The following DHH variants were observed in gnomAD, a reference collection of about 807,000 sequenced individuals.
The protein encoded by DHH is desert hedgehog signaling molecule.
A neutral mutation model predicts 27.6 loss-of-function variants in DHH; 16 were observed. That is an observed-to-expected ratio of 0.58 (90% CI 0.39 to 0.88). The LOEUF (loss-of-function observed/expected upper bound fraction) is 0.88, where lower values mean the gene tolerates loss of function less well. DHH is among the 40% of genes least tolerant of loss of function. DHH has a pLI of 0.00. For synonymous variants in DHH, 289 were observed against 263.4 expected, an observed-to-expected ratio of 1.10 and a Z score of -0.94; for missense variants, 436 against 563.1, an observed-to-expected ratio of 0.77 and a Z score of 2.28.
chr12:49,090,999 C>T lies in DHH; in HGVS notation c.565+129G>A. 1.4e-6 allele frequency: 2 copies of T among 1,425,342 alleles called. No individual in the cohort carries two copies. The highest frequency in any genetic ancestry group is 4.6e-5 in the East Asian group (2 of 43,934). The allele number at this position is 1,425,342 out of a possible 1,614,324, so 88.3% of individuals were successfully genotyped here. ...TTAGAGGCGTGAGGCACCGCCTCGGCCTGGACGGGTGGTTTTCAACACTAA... is the reference window on the plus strand; with the variant it reads ...TTAGAGGCGTGAGGCACCGCCTCGGTCTGGACGGGTGGTTTTCAACACTAA... On this transcript the variant is annotated intron_variant, in intron 2 of 2. Transcript: ENST00000649637. This position sits in a 1 kb window ranked among gnomAD's most constrained non-coding sequence, Gnocchi z 5.2.
chr12:49,088,224 G>C lies in DHH; in HGVS notation c.*1635C>G, dbSNP rs1346505037. Among the ~76,000 whole-genome samples the C allele has an allele frequency of 6.6e-6, 1 of 152,110 alleles. No homozygotes were observed. The highest frequency in any genetic ancestry group is 1.5e-5 in the Non-Finnish European group (1 of 68,002). On this transcript the variant is annotated 3_prime_UTR_variant, in exon 3 of 3. Coordinates refer to ENST00000649637, the MANE Select transcript of DHH (RefSeq NM_021044.4). The stretch of plus-strand genomic sequence containing the variant: ...ATGTAAAAGTGCCATGGTTTGGAAC[G>C]ACTTGCCCAAGGAGAAGCAGGTGGA...
rs1939244596 is a variant in DHH, at chr12:49,088,592, AGAGCTTCC to A, written c.*1259_*1266del. ...CTTCTGGAGCAGCCCAGCTTCCTCC[AGAGCTTCC>A]ATTCCTAACTCAGGGGCACCTGCCT... On this transcript the variant is annotated 3_prime_UTR_variant, in exon 3 of 3. Coordinates refer to ENST00000649637, the MANE Select transcript of DHH (RefSeq NM_021044.4). 6.6e-6 allele frequency among the ~76,000 whole-genome samples: 1 copy of A among 152,150 alleles called. No individual in the cohort carries two copies. The highest frequency in any genetic ancestry group is 2.4e-5 in the African/African-American group (1 of 41,430).
In DHH at chr12:49,088,318, C is replaced by A. The variant is rs1164199256; in HGVS notation, c.*1541G>T. Among the ~76,000 whole-genome samples, 4 of 152,196 alleles carry A rather than the reference C, an allele frequency of 2.6e-5. No individual in the cohort carries two copies. On this transcript the variant is annotated 3_prime_UTR_variant, in exon 3 of 3. Transcript: ENST00000649637. ...TAACAAGGCCCACCCATCATCTCTC[C>A]CTCCTGGGAGCGGGCTCCTTTGCGC...
chr12:49,090,103 A>C lies in DHH; in HGVS notation c.947T>G (p.Val316Gly). The C allele has an allele frequency of 1.3e-6, 2 of 1,523,968 alleles. No individual in the cohort carries two copies. The highest frequency in any genetic ancestry group is 1.8e-6 in the Non-Finnish European group (2 of 1,135,970). 94.4% of individuals were successfully genotyped at this position (1,523,968 alleles called of 1,614,324 possible). ...DALRPARVAR[V>G]AREEAVGVFA... ...CACGCCCACGGCTTCCTCCCGCGCC[A>C]CACGGGCCACGCGCGCTGGCCGAAG... The change falls in exon 3 of 3, where the codon GTG becomes GGG. Residue 316 changes from valine (V) to glycine (G), a missense_variant. Physicochemically the swap from Val to Gly is moderately radical, Grantham distance 109. Transcript: ENST00000649637. This position sits in a 1 kb window ranked among gnomAD's most constrained non-coding sequence, Gnocchi z 5.2.
rs148993959 is a variant in DHH, at chr12:49,087,873, A to G, written c.*1986T>C. ...GATAAAAAGAGACAAGGGCAGGTTT[A>G]GAAAGTAGGAAAGGTCCACAGCTTG... On this transcript the variant is annotated 3_prime_UTR_variant, in exon 3 of 3. Coordinates refer to ENST00000649637, the MANE Select transcript of DHH (RefSeq NM_021044.4). Among the ~76,000 whole-genome samples, 1 of 152,348 alleles carries G rather than the reference A, an allele frequency of 6.6e-6. No individual in the cohort carries two copies. Among genetic ancestry groups the G allele is most frequent in the African/African-American group, 2.4e-5 (1 of 41,580 alleles).
rs769909291 is a variant in DHH at position 49,090,141 on chromosome 12, G to A, written c.909C>T (p.Pro303=). ...GCGCTGGCCGAAGCGCATCCCCGCC[G>A]GGCGCCAGCACCGAGTCCCCAGCGC... The part of the protein sequence containing the change: ...RLRAGDSVLA[P]GGDALRPARV... The change falls in exon 3 of 3, where the codon CCC becomes CCT. Residue 303 remains proline (P), a synonymous_variant. Coordinates refer to ENST00000649637, the MANE Select transcript of DHH (RefSeq NM_021044.4). The surrounding 1 kb of genome is among the most constrained non-coding windows in gnomAD (Gnocchi z 5.2). The A allele has an allele frequency of 2.5e-5, 38 of 1,511,488 alleles. No individual in the cohort carries two copies. Among genetic ancestry groups the A allele is most frequent in the Admixed American group, 1.5e-4 (7 of 45,170 alleles). 93.6% of individuals were successfully genotyped at this position (1,511,488 alleles called of 1,614,324 possible).
Position 49,090,532 on chromosome 12 carries a change from A to C in DHH, c.566-48T>G. 1 of 1,588,158 alleles carries C rather than the reference A, an allele frequency of 6.3e-7. No individual in the cohort carries two copies. The highest frequency in any genetic ancestry group is 8.5e-7 in the Non-Finnish European group (1 of 1,176,054). ...GGATTGAATCAAGACCAGCGGTTCC[A>C]GAACGATTCTCAAGGCCAGCGCAGA... On this transcript the variant is annotated intron_variant, in intron 2 of 2. Coordinates refer to ENST00000649637, the MANE Select transcript of DHH (RefSeq NM_021044.4). The surrounding 1 kb of genome is among the most constrained non-coding windows in gnomAD (Gnocchi z 5.2).
At position 49,094,637 on chromosome 12, in the gene DHH, C is replaced by T. The variant is rs1015207867; in HGVS notation, c.-125G>A. The T allele has an allele frequency of 1.1e-5, 13 of 1,171,514 alleles. No homozygotes were observed. In the African/African-American group the frequency reaches 2.0e-4, roughly 18 times the overall value. 72.6% of individuals were successfully genotyped at this position (1,171,514 alleles called of 1,614,324 possible). On this transcript the variant is annotated 5_prime_UTR_variant, in exon 1 of 3. Coordinates refer to ENST00000649637, the MANE Select transcript of DHH (RefSeq NM_021044.4). ...GCTGCCCCCAGAGTGCCCTAGAGCT[C>T]TTGTGGCTCCGTGCACCTGGCTGCT...
At chr12:49,093,775 C>T (rs1939344212) in intron 1 of DHH, among the ~76,000 whole-genome samples, 1 of 152,174 alleles carries the variant, frequency 6.6e-6, no homozygotes, top group Non-Finnish European at 1.5e-5. Context: ...TTTTCAGTCT[C>T]TTCTTTTCGG....
Position 49,086,785 on chromosome 12 carries a change from A to T in DHH, c.*3074T>A, listed in dbSNP as rs767371925. ...GGTCACAAAGGTGAGGGACATGAAG[A>T]GTCAACTTCTATATGTAAGGAAGTC... On this transcript the variant is annotated 3_prime_UTR_variant, in exon 3 of 3. Coordinates refer to ENST00000649637, the MANE Select transcript of DHH (RefSeq NM_021044.4). 2.4e-4 allele frequency among the ~76,000 whole-genome samples: 36 copies of T among 152,232 alleles called. No homozygotes were observed. Among genetic ancestry groups the T allele is most frequent in the Admixed American group, 6.5e-4 (10 of 15,288 alleles).
chr12:49,091,260 G>T lies in DHH; in HGVS notation c.433C>A (p.Arg145Ser). The T allele has an allele frequency of 6.2e-7, 1 of 1,614,216 alleles. No individual in the cohort carries two copies. ...HAQDSLHYEG[R>S]ALDITTSDRD... ...TCAGACGTAGTGATGTCCAAAGCAC[G>T]GCCTTCGTAGTGGAGTGAATCCTGA... The change falls in exon 2 of 3, where the codon CGT becomes AGT. Residue 145 changes from arginine to serine, a missense_variant. Physicochemically the swap from Arg to Ser is moderately radical, Grantham distance 110. Coordinates refer to ENST00000649637, the MANE Select transcript of DHH (RefSeq NM_021044.4). The surrounding 1 kb of genome is among the most constrained non-coding windows in gnomAD (Gnocchi z 4.8).
In DHH at chr12:49,088,540, C is replaced by T. The variant is rs1004631293; in HGVS notation, c.*1319G>A. 2.6e-5 allele frequency among the ~76,000 whole-genome samples: 4 copies of T among 152,306 alleles called. No individual in the cohort carries two copies. The highest frequency in any genetic ancestry group is 4.1e-4 in the South Asian group (2 of 4,830). ...CAACCCCCGACTATTTCCTCCTCCC[C>T]GCCTCACCTCCACCCAAGACACTTC... is the stretch of plus-strand genomic sequence containing the variant. On this transcript the variant is annotated 3_prime_UTR_variant, in exon 3 of 3. Coordinates refer to ENST00000649637, the MANE Select transcript of DHH (RefSeq NM_021044.4).
In DHH at chr12:49,090,419, C is replaced by T. The variant is rs759282814; in HGVS notation, c.631G>A (p.Gly211Ser). Residue 211 changes from glycine to serine, a missense_variant, in exon 3 of 3, where the codon GGC (glycine) becomes AGC (serine). By Grantham distance (56) the Gly-to-Ser change is moderately conservative (BLOSUM62 0). Coordinates refer to ENST00000649637, the MANE Select transcript of DHH (RefSeq NM_021044.4). This position sits in a 1 kb window ranked among gnomAD's most constrained non-coding sequence, Gnocchi z 5.2. ...AGTTCCCGCAGCCCTTTCCGCTCGC[C>T]GCTCCACAGGCGCACAGTTGCATTT... Reference protein sequence around the residue: ...PGNATVRLWSGERKGLRELHR... With the variant: ...PGNATVRLWSSERKGLRELHR... The T allele has an allele frequency of 6.2e-7, 1 of 1,609,536 alleles. No homozygotes were observed. The highest frequency in any genetic ancestry group is 2.2e-5 in the East Asian group (1 of 44,828).
Position 49,088,152 on chromosome 12 carries a change from GGCATCT to G in DHH, c.*1701_*1706del, listed in dbSNP as rs1214014974. Among the ~76,000 whole-genome samples, 7 of 152,242 alleles carry G rather than the reference GGCATCT, an allele frequency of 4.6e-5. No individual in the cohort carries two copies. In the East Asian group the frequency reaches 1.4e-3, roughly 29 times the overall value. On this transcript the variant is annotated 3_prime_UTR_variant, in exon 3 of 3. Coordinates refer to ENST00000649637, the MANE Select transcript of DHH (RefSeq NM_021044.4). ...TGGGCTACTACAGGTATACTAGTAG[GGCATCT>G]GCAGCTTCCAGGAACCACAGAGCTA...
At position 49,089,458 on chromosome 12, in the gene DHH, C is replaced by A. The variant is rs550262271; in HGVS notation, c.*401G>T. The A allele has an allele frequency of 2.2e-3, 359 of 166,344 alleles. 1 individual carries two copies. The highest frequency in any genetic ancestry group is 7.9e-3 in the African/African-American group (335 of 42,158). 10.3% of individuals were successfully genotyped at this position (166,344 alleles called of 1,614,324 possible). On this transcript the variant is annotated 3_prime_UTR_variant, in exon 3 of 3. Coordinates refer to ENST00000649637, the MANE Select transcript of DHH (RefSeq NM_021044.4). ...CTCCTGAAAGCCTTCCCTTTATTAG[C>A]CCACCTTGCAGGAAAACGTCAGATG... is the stretch of plus-strand genomic sequence containing the variant.
chr12:49,094,617 C>T lies in DHH; in HGVS notation c.-105G>A. ...CAGAGAGGGCAGCAGGCACAGCTGC[C>T]CCCAGAGTGCCCTAGAGCTCTTGTG... On this transcript the variant is annotated 5_prime_UTR_variant, in exon 1 of 3. Coordinates refer to ENST00000649637, the MANE Select transcript of DHH (RefSeq NM_021044.4). The T allele has an allele frequency of 7.7e-7, 1 of 1,303,314 alleles. No individual in the cohort carries two copies. Among genetic ancestry groups the T allele is most frequent in the Non-Finnish European group, 1.1e-6 (1 of 925,210 alleles). The allele number at this position is 1,303,314 out of a possible 1,614,324, so 80.7% of individuals were successfully genotyped here. A position where few individuals can be genotyped will look rare whatever the true frequency, so the allele number is the denominator to read the frequency against.
chr12:49,093,050 A>C (rs1325428509), intron 1 of DHH: 1 of 152,182 alleles, frequency 6.6e-6, no homozygotes, highest in East Asian at 1.9e-4. Context: ...CACTCCATAC[A>C]CAATTAGGTG....
chr12:49,093,797 T>A (rs187037182), intron 1 of DHH, among the ~76,000 whole-genome samples: 122 of 152,194 alleles, frequency 8.0e-4, no homozygotes, highest in Middle Eastern at 3.4e-3. Context: ...CCACAGAGCT[T>A]TTCTACAATC....
At chr12:49,092,063 G>C (rs1460378378) in intron 1 of DHH, 1 of 153,206 alleles carries the variant, frequency 6.5e-6, no homozygotes, top group African/African-American at 2.4e-5. Context: ...CCGGGAACGC[G>C]CTGGGAGAAG....
Sources: gnomAD v4.1 joint callset for allele counts (sites outside exome capture counted in the v4.1 genomes callset) on GRCh38, gnomAD v4.1.1 for gene constraint, Gnocchi (gnomAD v3.1) non-coding constraint, MANE v1.5 for transcripts, NCBI Gene and HGNC (gene_info 2026-07-23, HGNC 2026-07-21) for gene names.